Variants in ACCSL observed in about 807,000 individuals in gnomAD.
ACCSL encodes 1-aminocyclopropane-1-carboxylate synthase homolog (inactive) like.
ACCSL carries 55 observed loss-of-function variants against 61.7 expected under a neutral mutation model. That is an observed-to-expected ratio of 0.89 (90% CI 0.72 to 1.12). The LOEUF is 1.12. Among genes scored for constraint, ACCSL ranks in the 50% most tolerant of loss-of-function variants. ACCSL has a pLI of 0.00. For synonymous variants in ACCSL, 258 were observed against 264.3 expected, an observed-to-expected ratio of 0.98 and a Z score of 0.23; for missense variants, 632 against 698.0, an observed-to-expected ratio of 0.91 and a Z score of 1.07.
the ACCSL span, among the ~76,000 whole-genome samples, chr11:43,966,553 AT>A: frequency 1.3e-5 from 2 of 152,206 alleles, no homozygotes; most frequent in Non-Finnish European, 2.9e-5. Context: ...AGAGTCTAGT[AT>A]TTAGAATATG....
chr11:43,933,282 TG>T, the ACCSL span: 2 of 415,722 alleles, frequency 4.8e-6, no homozygotes, highest in African/African-American at 4.1e-5. Flanking sequence ...TGGACCTCAG[TG>T]TCCCTGTCCA....
At chr11:44,003,853 T>C in the ACCSL span, among the ~76,000 whole-genome samples, 1 of 152,146 alleles carries the variant, frequency 6.6e-6, no homozygotes, top group Non-Finnish European at 1.5e-5. Context: ...GGGTCTGGGC[T>C]CTGCCAGGGG....
At chr11:44,013,905 C>T in the ACCSL span, among the ~76,000 whole-genome samples, 10 of 152,150 alleles carry the variant, frequency 6.6e-5, no homozygotes, top group African/African-American at 2.2e-4. Context: ...CAGAGGCGCC[C>T]TCCTGCCCCA....
the ACCSL span, among the ~76,000 whole-genome samples, chr11:44,027,766 C>T: frequency 6.6e-6 from 1 of 152,232 alleles, no homozygotes; most frequent in Non-Finnish European, 1.5e-5. Flanking sequence ...CATTCAACAA[C>T]TTTGCCTGCA....
At chr11:43,956,680 A>G in the ACCSL span, among the ~76,000 whole-genome samples, 2 of 152,184 alleles carry the variant, frequency 1.3e-5, no homozygotes, top group Non-Finnish European at 2.9e-5. Context: ...TGGCCTCCCA[A>G]AGTGTTGGGA....
the ACCSL span, among the ~76,000 whole-genome samples, chr11:43,965,798 CATCTA>C: frequency 6.6e-6 from 1 of 152,340 alleles, no homozygotes; most frequent in African/African-American, 2.4e-5. Context: ...TAAACCCATA[CATCTA>C]TAGTCAATTG....
the ACCSL span, among the ~76,000 whole-genome samples, chr11:43,974,902 C>A: frequency 6.6e-6 from 1 of 152,154 alleles, no homozygotes; most frequent in Non-Finnish European, 1.5e-5. Flanking sequence ...AGAGCAGCCC[C>A]CAAATTCCTG....
chr11:43,976,041 AG>A, the ACCSL span, among the ~76,000 whole-genome samples: 2 of 152,160 alleles, frequency 1.3e-5, no homozygotes, highest in Non-Finnish European at 2.9e-5. Flanking sequence ...TAGTGTGTAT[AG>A]GGGGCAAGAT....
chr11:44,000,725 AAAAG>A, the ACCSL span, among the ~76,000 whole-genome samples: 45 of 146,806 alleles, frequency 3.1e-4, no homozygotes, highest in South Asian at 6.5e-4. Flanking sequence ...TCTGCCTCAA[AAAAG>A]AAAGAAAGAA....
the ACCSL span, among the ~76,000 whole-genome samples, chr11:44,022,677 G>T: frequency 7.2e-5 from 11 of 152,090 alleles, no homozygotes. Context: ...TTGCGCTCCT[G>T]GAATAAATCC....
the ACCSL span, among the ~76,000 whole-genome samples, chr11:44,040,747 C>T: frequency 6.6e-5 from 10 of 152,158 alleles, no homozygotes; most frequent in Middle Eastern, 3.4e-3. Context: ...ACTTTGGACC[C>T]GGTGATGCCT....
chr11:43,955,693 T>C, the ACCSL span, among the ~76,000 whole-genome samples: 1 of 151,996 alleles, frequency 6.6e-6, no homozygotes, highest in Non-Finnish European at 1.5e-5. Context: ...AAAAGACATC[T>C]CAAAAGGCCA....
the ACCSL span, among the ~76,000 whole-genome samples, chr11:44,008,259 C>T: frequency 6.6e-6 from 1 of 152,112 alleles, no homozygotes; most frequent in Non-Finnish European, 1.5e-5. Context: ...GCTGGGGAGG[C>T]CCTGACCACT....
chr11:44,056,461 G>A, intron 11 of ACCSL, 135 bp downstream of exon 11: 1 of 1,251,160 alleles, frequency 8.0e-7, no homozygotes, highest in Non-Finnish European at 1.1e-6. Flanking sequence ...ACTGTGGTAA[G>A]ATGTGAGGTT....
the ACCSL span, among the ~76,000 whole-genome samples, chr11:43,927,602 T>C: frequency 6.6e-6 from 1 of 152,248 alleles, no homozygotes; most frequent in Non-Finnish European, 1.5e-5. Context: ...GCTAAACCTT[T>C]GAGTACATCT....
the ACCSL span, among the ~76,000 whole-genome samples, chr11:43,939,935 C>A: frequency 6.6e-6 from 1 of 151,346 alleles, no homozygotes; most frequent in Non-Finnish European, 1.5e-5. Context: ...CTCCCTGACC[C>A]ACAGCTCCCA....
the ACCSL span, among the ~76,000 whole-genome samples, chr11:43,950,436 T>C: frequency 1.3e-5 from 2 of 152,252 alleles, no homozygotes; most frequent in African/African-American, 2.4e-5. Flanking sequence ...TTTCAGTCTG[T>C]CTATGCCAAA....
At chr11:43,960,905 G>A in the ACCSL span, among the ~76,000 whole-genome samples, 6 of 152,042 alleles carry the variant, frequency 3.9e-5, no homozygotes, top group South Asian at 8.3e-4. Context: ...TGCAACCTCC[G>A]CTTCCTGGGT....
the ACCSL span, among the ~76,000 whole-genome samples, chr11:44,039,865 C>T: frequency 2.0e-5 from 3 of 152,208 alleles, no homozygotes; most frequent in South Asian, 6.2e-4. Flanking sequence ...AGCTAGCTGC[C>T]CAGGGCAAGC....
Sources: gnomAD v4.1 joint callset for allele counts (sites outside exome capture counted in the v4.1 genomes callset) on GRCh38, gnomAD v4.1.1 for gene constraint, MANE v1.5 for transcripts, NCBI Gene and HGNC (gene_info 2026-07-23, HGNC 2026-07-21) for gene names.